The following RABGAP1L variants were observed in gnomAD, a reference collection of about 807,000 sequenced individuals.
The protein encoded by RABGAP1L is RAB GTPase activating protein 1 like.
A neutral mutation model predicts 137.7 loss-of-function variants in RABGAP1L; 63 were observed. The ratio of observed to expected loss-of-function variants is 0.46; its 90% confidence interval spans 0.37 to 0.56. The LOEUF (loss-of-function observed/expected upper bound fraction) is 0.56, where lower values mean the gene tolerates loss of function less well. RABGAP1L is among the 20% of genes least tolerant of loss of function. The pLI is 0.00. For synonymous variants in RABGAP1L, 431 were observed against 433.7 expected, an observed-to-expected ratio of 0.99 and a Z score of 0.08; for missense variants, 1,095 against 1,244.0, an observed-to-expected ratio of 0.88 and a Z score of 1.80.
chr1:174,530,574 C>CT (rs893320596), intron 13 of RABGAP1L, among the ~76,000 whole-genome samples: 2 of 152,116 alleles, frequency 1.3e-5, no homozygotes, highest in Non-Finnish European at 2.9e-5. Context: ...TTTCAATTAC[C>CT]TTTTCCCCAC....
intron 13 of RABGAP1L, among the ~76,000 whole-genome samples, chr1:174,599,748 G>A (rs1327532140): frequency 6.6e-6 from 1 of 152,038 alleles, no homozygotes. Flanking sequence ...TTGCTTTTAG[G>A]ATTGTTTCTT....
chr1:174,889,368 C>G (rs866644468), intron 19 of RABGAP1L, among the ~76,000 whole-genome samples: 47 of 152,144 alleles, frequency 3.1e-4, no homozygotes, highest in African/African-American at 1.1e-3. Context: ...GTGGTCCGCC[C>G]GCCTCAGCCT....
At chr1:174,933,313 G>A (rs1334821744) in intron 19 of RABGAP1L, among the ~76,000 whole-genome samples, 1 of 152,024 alleles carries the variant, frequency 6.6e-6, no homozygotes, top group Non-Finnish European at 1.5e-5. Context: ...TTAAAATGCT[G>A]CATGCCAGAT....
chr1:174,623,810 G>T (rs1672731075), intron 13 of RABGAP1L, among the ~76,000 whole-genome samples: 1 of 152,136 alleles, frequency 6.6e-6, no homozygotes, highest in African/African-American at 2.4e-5. Flanking sequence ...AGGCCCCCAT[G>T]CCTTGGACCC....
At chr1:174,938,545 T>A (rs1037773122) in intron 19 of RABGAP1L, 1 of 152,144 alleles carries the variant, frequency 6.6e-6, no homozygotes, top group African/African-American at 2.4e-5. Context: ...ATCAAAGACA[T>A]TGGAATTATG....
chr1:174,439,357 G>C (rs1653861450), intron 13 of RABGAP1L, among the ~76,000 whole-genome samples: 1 of 152,094 alleles, frequency 6.6e-6, no homozygotes, highest in Non-Finnish European at 1.5e-5. Context: ...CTCTTGAGCG[G>C]TCACTAAATC....
chr1:174,479,324 G>A (rs1490031254), intron 13 of RABGAP1L, among the ~76,000 whole-genome samples: 2 of 152,178 alleles, frequency 1.3e-5, no homozygotes, highest in African/African-American at 4.8e-5. Context: ...CTTAGGCAGT[G>A]GTTCTCAAAC....
chr1:174,264,024 T>G (rs1673822250), intron 7 of RABGAP1L, among the ~76,000 whole-genome samples: 1 of 152,084 alleles, frequency 6.6e-6, no homozygotes, highest in Non-Finnish European at 1.5e-5. Flanking sequence ...TTCAAGATCT[T>G]TGGATCATTT....
At chr1:174,587,662 T>G (rs1181352332) in intron 13 of RABGAP1L, among the ~76,000 whole-genome samples, 1 of 151,992 alleles carries the variant, frequency 6.6e-6, no homozygotes, top group Non-Finnish European at 1.5e-5. Flanking sequence ...CTTCCCAACA[T>G]AAGCTCCATC....
chr1:174,741,286 C>G (rs1037106559), intron 17 of RABGAP1L, among the ~76,000 whole-genome samples: 4 of 152,112 alleles, frequency 2.6e-5, no homozygotes, highest in Non-Finnish European at 5.9e-5. Context: ...CAGTTACATT[C>G]TTCTGCATGG....
intron 19 of RABGAP1L, chr1:174,934,958 G>A (rs1664509203): frequency 1.3e-5 from 2 of 152,150 alleles, no homozygotes; most frequent in Admixed American, 1.3e-4. Flanking sequence ...GGCATGAAAA[G>A]ATAAACAAAA....
At chr1:174,800,405 C>G in intron 18 of RABGAP1L, 1 of 1,550,750 alleles carries the variant, frequency 6.4e-7, no homozygotes, top group Non-Finnish European at 8.7e-7. Context: ...CCAGGACATG[C>G]ACGACGAGAG....
rs1190737848 is a variant in RABGAP1L, at chr1:174,634,889, G to C, written c.1711-2486G>C. Among the ~76,000 whole-genome samples, 81 of 119,962 alleles carry C rather than the reference G, an allele frequency of 6.8e-4. 1 individual carries two copies. Among genetic ancestry groups the C allele is most frequent in the East Asian group, 2.0e-3 (7 of 3,542 alleles). 78.7% of individuals were successfully genotyped at this position (119,962 alleles called of 152,430 possible). ...CACACTCTGGGGACTGTGGTGGGGT[G>C]GGGGGAGGGGGGAGGGATAGCATTG... is the stretch of plus-strand genomic sequence containing the variant. On this transcript the variant is annotated intron_variant, in intron 13 of 25. Transcript: ENST00000681986.
At chr1:174,529,909 G>A (rs77580473) in intron 13 of RABGAP1L, among the ~76,000 whole-genome samples, 3,386 of 152,190 alleles carry the variant, frequency 0.022, 57 homozygotes, top group Middle Eastern at 0.088. Flanking sequence ...CAACAATGGT[G>A]GACTGGGCTG....
intron 13 of RABGAP1L, among the ~76,000 whole-genome samples, chr1:174,420,421 T>C (rs2149161938): frequency 6.6e-6 from 1 of 152,254 alleles, no homozygotes; most frequent in Non-Finnish European, 1.5e-5. Flanking sequence ...AGTTGATTAC[T>C]GACATAGAGA....
chr1:174,377,061 T>A (rs1685609359), intron 12 of RABGAP1L, among the ~76,000 whole-genome samples: 1 of 152,070 alleles, frequency 6.6e-6, no homozygotes, highest in South Asian at 2.1e-4. Context: ...TTCTATACAC[T>A]GGCAGTGAAA....
At chr1:174,664,737 T>TC (rs1246784208) in intron 14 of RABGAP1L, among the ~76,000 whole-genome samples, 6 of 132,818 alleles carry the variant, frequency 4.5e-5, no homozygotes, top group East Asian at 2.3e-4. Flanking sequence ...CTGCTTTCTT[T>TC]TTTTTTTTTT....
At chr1:174,515,331 A>G (rs988553901) in intron 13 of RABGAP1L, among the ~76,000 whole-genome samples, 1 of 152,164 alleles carries the variant, frequency 6.6e-6, no homozygotes, top group African/African-American at 2.4e-5. Context: ...CTTAAAATCA[A>G]TTAGATAGTA....
At chr1:174,456,659 T>C (rs1027448631) in intron 13 of RABGAP1L, among the ~76,000 whole-genome samples, 18 of 152,128 alleles carry the variant, frequency 1.2e-4, no homozygotes, top group African/African-American at 4.3e-4. Flanking sequence ...GAAATAAATA[T>C]AGTTACAGAA....
Sources: gnomAD v4.1 joint callset for allele counts (sites outside exome capture counted in the v4.1 genomes callset) on GRCh38, gnomAD v4.1.1 for gene constraint, MANE v1.5 for transcripts, NCBI Gene and HGNC (gene_info 2026-07-23, HGNC 2026-07-21) for gene names.